Variants in ABLIM2 observed in about 807,000 individuals in gnomAD.
The protein encoded by ABLIM2 is actin-binding LIM protein 2.
Under a neutral mutation model 97.7 loss-of-function variants are expected in ABLIM2, and 53 were observed. The ratio of observed to expected loss-of-function variants is 0.54; its 90% CI spans 0.44 to 0.68. The LOEUF is 0.68. Ranked by LOEUF, ABLIM2 falls within the 30% of genes least tolerant of loss-of-function variation. The pLI is 0.00. For missense variants in ABLIM2, 835 were observed against 867.2 expected (o/e 0.96, Z 0.47); for synonymous variants, 361 against 345.8 (o/e 1.04, Z -0.49).
intron 4 of ABLIM2, among the ~76,000 whole-genome samples, chr4:8,084,385 G>A (rs929485299): frequency 5.9e-5 from 9 of 152,062 alleles, no homozygotes; most frequent in African/African-American, 1.9e-4. Flanking sequence ...GTTTAACCCC[G>A]GCCTCACCTC....
In ABLIM2 at chr4:8,125,548, A is replaced by G. The variant is rs1287948201; in HGVS notation, c.11-18911T>C. On this transcript the variant is annotated intron_variant, in intron 1 of 20. Coordinates refer to ENST00000447017, the MANE Select transcript of ABLIM2 (RefSeq NM_001130083.2). The surrounding 1 kb of genome is among the most constrained non-coding windows in gnomAD (Gnocchi z 6.2). ...GCGTTGACGGTCTGGTCCATCTACCACAGTCGATCTGCAGTGCTGATGGCC... is the reference window on the plus strand; with the variant it reads ...GCGTTGACGGTCTGGTCCATCTACCGCAGTCGATCTGCAGTGCTGATGGCC... Among the ~76,000 whole-genome samples, 1 of 151,994 alleles carries G rather than the reference A, an allele frequency of 6.6e-6. No individual in the cohort carries two copies. The highest frequency in any genetic ancestry group is 1.5e-5 in the Non-Finnish European group (1 of 67,996).
intron 20 of ABLIM2, among the ~76,000 whole-genome samples, chr4:7,982,928 C>T (rs1739971919): frequency 6.6e-6 from 1 of 152,198 alleles, no homozygotes; most frequent in African/African-American, 2.4e-5. Context: ...GTCTCGAACT[C>T]CTGATCTCTG....
chr4:8,086,401 G>A (rs1421745754), intron 4 of ABLIM2, among the ~76,000 whole-genome samples: 2 of 145,506 alleles, frequency 1.4e-5, no homozygotes, highest in Admixed American at 7.0e-5. Context: ...AGGCTGGAGT[G>A]CAGTGGTGCA....
At position 8,088,368 on chromosome 4, in the gene ABLIM2, G is replaced by A. The variant is rs1825221276; in HGVS notation, c.339-84C>T. ...CCCTGTCCCAGTGCAGGAGACCAGG[G>A]CCAATGTCTCCCCAGGATCTTGCAA... On this transcript the variant is annotated intron_variant, in intron 3 of 20. Coordinates refer to ENST00000447017, the MANE Select transcript of ABLIM2 (RefSeq NM_001130083.2). The A allele has an allele frequency of 3.8e-6, 4 of 1,049,216 alleles. No homozygotes were observed. In the South Asian group the frequency reaches 5.8e-5, roughly 15 times the overall value. 65.0% of individuals were successfully genotyped at this position (1,049,216 alleles called of 1,614,324 possible).
rs901833824 is a variant in ABLIM2, at chr4:8,023,782, T to C, written c.1268-3479A>G. On this transcript the variant is annotated intron_variant, in intron 12 of 20. Transcript: ENST00000447017. This position sits in a 1 kb window ranked among gnomAD's most constrained non-coding sequence, Gnocchi z 5.7. ...CATTTATTTGTTTACTCAACATTTA[T>C]GTAGATCCTTGTGGACTGACGGCTC... is the stretch of plus-strand genomic sequence containing the variant. Among the ~76,000 whole-genome samples, 3 of 152,232 alleles carry C rather than the reference T, an allele frequency of 2.0e-5. No homozygotes were observed. Among genetic ancestry groups the C allele is most frequent in the East Asian group, 1.9e-4 (1 of 5,190 alleles).
chr4:7,977,608 G>A (rs2149524241), intron 20 of ABLIM2, among the ~76,000 whole-genome samples: 1 of 152,102 alleles, frequency 6.6e-6, no homozygotes, highest in African/African-American at 2.4e-5. Context: ...TGGCCACCAT[G>A]GTGAAACCCC....
At position 8,140,587 on chromosome 4, in the gene ABLIM2, C is replaced by T. The variant is rs527379401; in HGVS notation, c.10+18093G>A. On this transcript the variant is annotated intron_variant, in intron 1 of 20. Transcript: ENST00000447017. The surrounding 1 kb of genome is among the most constrained non-coding windows in gnomAD (Gnocchi z 5.9). Reference sequence around the variant, plus strand: ...TTCAATGCCCCTTCAAAAACAAACGCGCATTCTGTCTGTGATACCGTTACT... The same window carrying T: ...TTCAATGCCCCTTCAAAAACAAACGTGCATTCTGTCTGTGATACCGTTACT... 9.2e-5 allele frequency among the ~76,000 whole-genome samples: 14 copies of T among 152,246 alleles called. No homozygotes were observed. In the East Asian group the frequency reaches 1.9e-3, roughly 21 times the overall value.
intron 1 of ABLIM2, among the ~76,000 whole-genome samples, chr4:8,143,600 G>T (rs1196654105): frequency 6.6e-6 from 1 of 152,146 alleles, no homozygotes; most frequent in African/African-American, 2.4e-5. Context: ...CAGGAAGCCT[G>T]CCAGGATTTC....
At chr4:8,059,975 C>T (rs1458190796) in intron 7 of ABLIM2, among the ~76,000 whole-genome samples, 1 of 151,636 alleles carries the variant, frequency 6.6e-6, no homozygotes, top group East Asian at 1.9e-4. Flanking sequence ...CCCTGCGTGT[C>T]CTGTGTGTCC....
intron 2 of ABLIM2, 78 bp from the exon 3 acceptor site, chr4:8,097,360 C>T (rs1832188382): frequency 6.7e-7 from 1 of 1,491,836 alleles, no homozygotes; most frequent in African/African-American, 1.4e-5. Flanking sequence ...GTGCACCCCC[C>T]TCCACACACA....
At chr4:8,057,258 C>G (rs1386541715) in intron 7 of ABLIM2, among the ~76,000 whole-genome samples, 1 of 151,904 alleles carries the variant, frequency 6.6e-6, no homozygotes, top group Non-Finnish European at 1.5e-5. Context: ...GCCACCACAC[C>G]CAGTTTTAGT....
rs532059406 is a variant in ABLIM2, at chr4:7,992,157, C to G, written c.1680+709G>C. Among the ~76,000 whole-genome samples the G allele has an allele frequency of 6.6e-6, 1 of 152,098 alleles. No homozygotes were observed. The highest frequency in any genetic ancestry group is 1.5e-5 in the Non-Finnish European group (1 of 68,002). On this transcript the variant is annotated intron_variant, in intron 17 of 20. Transcript: ENST00000447017. This position sits in a 1 kb window ranked among gnomAD's most constrained non-coding sequence, Gnocchi z 5.7. ...GGATCCTCACTGGGGACCCCTGTGA[C>G]GCTGTGGGCAGAGGAACAAACATAA...
intron 14 of ABLIM2, chr4:8,010,602 C>A: frequency 1.0e-6 from 1 of 981,558 alleles, no homozygotes; most frequent in Non-Finnish European, 1.2e-6. Context: ...TCCGAATACA[C>A]TAACATCTCG....
At chr4:8,035,884 G>C (rs1256620220) in intron 10 of ABLIM2, among the ~76,000 whole-genome samples, 4 of 152,360 alleles carry the variant, frequency 2.6e-5, no homozygotes, top group Non-Finnish European at 4.4e-5. Flanking sequence ...AAACCAGCAT[G>C]CTTCCTACTT....
At chr4:8,027,138 A>G (rs1023070645) in intron 12 of ABLIM2, among the ~76,000 whole-genome samples, 1 of 152,196 alleles carries the variant, frequency 6.6e-6, no homozygotes, top group Non-Finnish European at 1.5e-5. Context: ...CTACAGATAC[A>G]GTCACGTCAG....
intron 3 of ABLIM2, among the ~76,000 whole-genome samples, chr4:8,096,851 C>T (rs978891513): frequency 6.6e-6 from 1 of 152,184 alleles, no homozygotes; most frequent in African/African-American, 2.4e-5. Flanking sequence ...TTGCTGCATG[C>T]TTGCTCTGTG....
At position 8,020,277 on chromosome 4, in the gene ABLIM2, TG is replaced by T; in HGVS notation, c.1293del (p.Ser432AlafsTer29). 1 of 1,613,688 alleles carries T rather than the reference TG, an allele frequency of 6.2e-7. No homozygotes were observed. Among genetic ancestry groups the T allele is most frequent in the Non-Finnish European group, 8.5e-7 (1 of 1,179,844 alleles). On this transcript the variant is annotated frameshift_variant, in exon 13 of 21. Coordinates refer to ENST00000447017, the MANE Select transcript of ABLIM2 (RefSeq NM_001130083.2). LOFTEE classifies it high-confidence loss of function. ...FRGSESGRST[P>X]SLSVLSDSKP... ...TTGCTGTCAGAGAGCACGGAGAGGC[TG>T]GGGGTGCTCCGGCCACTTTCACTGC...
chr4:8,065,493 G>A (rs143354604), intron 6 of ABLIM2, among the ~76,000 whole-genome samples: 1 of 152,344 alleles, frequency 6.6e-6, no homozygotes, highest in African/African-American at 2.4e-5. Context: ...CTCGTGCGCT[G>A]CTGATGGAAA....
chr4:8,044,567 T>C lies in ABLIM2; in HGVS notation c.900+597A>G, dbSNP rs1202181625. Among the ~76,000 whole-genome samples, 1 of 152,028 alleles carries C rather than the reference T, an allele frequency of 6.6e-6. No homozygotes were observed. The highest frequency in any genetic ancestry group is 6.6e-5 in the Admixed American group (1 of 15,262). Reference sequence around the variant, plus strand: ...AATCCCACCACCCAGAGGAAATTTCTGGTAACAACTTGTTAAAATGTTTTC... The same window carrying C: ...AATCCCACCACCCAGAGGAAATTTCCGGTAACAACTTGTTAAAATGTTTTC... On this transcript the variant is annotated intron_variant, in intron 9 of 20. Coordinates refer to ENST00000447017, the MANE Select transcript of ABLIM2 (RefSeq NM_001130083.2). The surrounding 1 kb of genome is among the most constrained non-coding windows in gnomAD (Gnocchi z 4.4).
Sources: gnomAD v4.1 joint callset for allele counts (sites outside exome capture counted in the v4.1 genomes callset) on GRCh38, gnomAD v4.1.1 for gene constraint, Gnocchi (gnomAD v3.1) non-coding constraint, MANE v1.5 for transcripts, NCBI Gene and HGNC (gene_info 2026-07-23, HGNC 2026-07-21) for gene names.